The following SLC9A9 variants were observed in gnomAD, a reference collection of about 807,000 sequenced individuals.
SLC9A9 encodes solute carrier family 9 member A9.
In SLC9A9, 62 loss-of-function variants were observed where a neutral mutation model predicts 77.8. The ratio of observed to expected loss-of-function variants is 0.80; its 90% CI spans 0.65 to 0.98. The LOEUF (loss-of-function observed/expected upper bound fraction) is 0.98. Among genes scored for constraint, SLC9A9 ranks in the 50% least tolerant of loss-of-function variants. The pLI, the probability that SLC9A9 is intolerant of heterozygous loss-of-function variation, is 0.00. For synonymous variants in SLC9A9, 320 were observed against 283.5 expected (o/e 1.13, Z -1.29); for missense variants, 775 against 774.9 (o/e 1.00, Z 0.00).
chr3:143,579,945 C>T (rs974596878), intron 6 of SLC9A9, among the ~76,000 whole-genome samples: 2 of 152,164 alleles, frequency 1.3e-5, no homozygotes, highest in African/African-American at 4.8e-5. Flanking sequence ...TCCTGGATGT[C>T]TTTAAACCCC....
intron 9 of SLC9A9, among the ~76,000 whole-genome samples, chr3:143,543,553 T>C (rs1345348594): frequency 5.9e-5 from 9 of 152,174 alleles, no homozygotes; most frequent in Non-Finnish European, 2.9e-5. Context: ...CTCCCTGCCT[T>C]CTAGTAGCTC....
At chr3:143,295,949 T>C (rs932426902) in intron 14 of SLC9A9, among the ~76,000 whole-genome samples, 7 of 152,158 alleles carry the variant, frequency 4.6e-5, no homozygotes, top group Non-Finnish European at 1.0e-4. Context: ...TTTCTGGTAT[T>C]GTGGATCTTT....
intron 14 of SLC9A9, among the ~76,000 whole-genome samples, chr3:143,358,025 CTTTT>C (rs5853107): frequency 1.4e-5 from 2 of 145,034 alleles, no homozygotes; most frequent in Non-Finnish European, 1.5e-5. Flanking sequence ...TTTTTCTTTC[CTTTT>C]TTTTTTTTTT....
At chr3:143,471,459 A>T (rs57240245) in intron 11 of SLC9A9, among the ~76,000 whole-genome samples, 5,894 of 152,260 alleles carry the variant, frequency 0.039, 366 homozygotes, top group African/African-American at 0.13. Context: ...TAGGATTGAA[A>T]TAGATTATTA....
intron 5 of SLC9A9, among the ~76,000 whole-genome samples, chr3:143,672,229 T>A (rs2039167313): frequency 6.6e-6 from 1 of 152,174 alleles, no homozygotes; most frequent in South Asian, 2.1e-4. Flanking sequence ...CCGTTTTCTC[T>A]TGAATTCTTG....
rs775697029 is a variant in SLC9A9 at position 143,423,215 on chromosome 3, GTA to G, written c.1470-41103_1470-41102del. On this transcript the variant is annotated intron_variant, in intron 12 of 15. Coordinates refer to ENST00000316549, the MANE Select transcript of SLC9A9 (RefSeq NM_173653.4). The stretch of plus-strand genomic sequence containing the variant: ...AATCTCTACTTACCCTCACACACAC[GTA>G]CACACACACACACGTGTACACACGC... Among the ~76,000 whole-genome samples the G allele has an allele frequency of 5.7e-4, 33 of 57,664 alleles. No homozygotes were observed. The East Asian group carries it at 0.013, about 22-fold the overall frequency. The allele number at this position is 57,664 out of a possible 152,430, so 37.8% of individuals were successfully genotyped here.
intron 6 of SLC9A9, among the ~76,000 whole-genome samples, chr3:143,617,062 C>G (rs565710082): frequency 4.6e-5 from 7 of 152,258 alleles, no homozygotes; most frequent in African/African-American, 1.7e-4. Context: ...GCATGTTTTC[C>G]AAGACAGGTG....
intron 6 of SLC9A9, among the ~76,000 whole-genome samples, chr3:143,622,394 C>A (rs1309969929): frequency 6.6e-6 from 1 of 152,140 alleles, no homozygotes; most frequent in African/African-American, 2.4e-5. Context: ...AAAGGGAAGC[C>A]CATCAGACTA....
At chr3:143,773,725 C>T (rs2007602994) in intron 4 of SLC9A9, among the ~76,000 whole-genome samples, 1 of 152,148 alleles carries the variant, frequency 6.6e-6, no homozygotes, top group African/African-American at 2.4e-5. Context: ...TTCAGGTGAT[C>T]TGCCCACCTC....
At chr3:143,600,637 C>A (rs555188997) in intron 6 of SLC9A9, among the ~76,000 whole-genome samples, 4 of 152,256 alleles carry the variant, frequency 2.6e-5, no homozygotes, top group East Asian at 1.9e-4. Context: ...CCTCCCAAAA[C>A]GCAATAAATC....
At chr3:143,812,794 A>G (rs1214213943) in intron 2 of SLC9A9, among the ~76,000 whole-genome samples, 1 of 152,208 alleles carries the variant, frequency 6.6e-6, no homozygotes, top group African/African-American at 2.4e-5. Flanking sequence ...AGAGCCATTA[A>G]TGGCTCCAGG....
intron 14 of SLC9A9, among the ~76,000 whole-genome samples, chr3:143,360,849 T>C (rs567075988): frequency 2.2e-4 from 33 of 152,344 alleles, no homozygotes; most frequent in African/African-American, 7.5e-4. Context: ...CATTTAAACC[T>C]TAACTTAGGT....
At chr3:143,443,442 T>C (rs2034785959) in intron 12 of SLC9A9, among the ~76,000 whole-genome samples, 1 of 152,204 alleles carries the variant, frequency 6.6e-6, no homozygotes, top group Non-Finnish European at 1.5e-5. Flanking sequence ...ATTACTGTTT[T>C]AATGTGCTGC....
intron 12 of SLC9A9, among the ~76,000 whole-genome samples, chr3:143,446,822 C>T (rs890421016): frequency 1.3e-5 from 2 of 152,018 alleles, no homozygotes; most frequent in African/African-American, 4.8e-5. Flanking sequence ...TGGTGTGGCA[C>T]ATTTGGGGGA....
intron 8 of SLC9A9, among the ~76,000 whole-genome samples, chr3:143,553,314 G>C (rs1351440697): frequency 6.6e-6 from 1 of 152,170 alleles, no homozygotes; most frequent in Non-Finnish European, 1.5e-5. Context: ...CTGGAGTGGG[G>C]AAGCAGTGGG....
chr3:143,284,554 C>T (rs1301195761), intron 14 of SLC9A9, among the ~76,000 whole-genome samples: 1 of 151,928 alleles, frequency 6.6e-6, no homozygotes, highest in Non-Finnish European at 1.5e-5. Context: ...ACCGTAGTGG[C>T]CATGGGTGGG....
intron 12 of SLC9A9, among the ~76,000 whole-genome samples, chr3:143,442,837 A>G (rs185312123): frequency 1.6e-4 from 25 of 152,322 alleles, no homozygotes; most frequent in Middle Eastern, 6.8e-3. Flanking sequence ...GCTTAGGCAT[A>G]AAACAAGATG....
At chr3:143,717,920 T>G (rs2108800642) in intron 4 of SLC9A9, among the ~76,000 whole-genome samples, 1 of 152,230 alleles carries the variant, frequency 6.6e-6, no homozygotes, top group African/African-American at 2.4e-5. Flanking sequence ...AAAAATGAAT[T>G]GTTATACAGA....
chr3:143,588,108 T>C (rs2037577128), intron 6 of SLC9A9, among the ~76,000 whole-genome samples: 1 of 152,186 alleles, frequency 6.6e-6, no homozygotes, highest in Non-Finnish European at 1.5e-5. Context: ...GGATGGGTAC[T>C]ATAAAAGGGT....
Sources: allele counts gnomAD v4.1 joint callset (sites outside exome capture counted in the v4.1 genomes callset), GRCh38; gene constraint gnomAD v4.1.1; transcripts MANE v1.5; gene names NCBI Gene and HGNC (gene_info 2026-07-23, HGNC 2026-07-21).